FSCN2: variants seen among roughly 807,000 people sequenced by gnomAD.
FSCN2 encodes the protein fascin-2.
In FSCN2, 46 loss-of-function variants were observed where a neutral mutation model predicts 37.8. The ratio of observed to expected loss-of-function variants is 1.22; its 90% CI spans 0.96 to 1.56. FSCN2 has a LOEUF of 1.56. Among genes scored for constraint, FSCN2 ranks in the 40% most tolerant of loss-of-function variants. The probability of loss-of-function intolerance (pLI) is 0.00; values close to 1 mark genes in which losing one functional copy is unlikely to be tolerated. For missense variants in FSCN2, 844 were observed against 730.4 expected, an observed-to-expected ratio of 1.16 and a Z score of -1.79; for synonymous variants, 351 against 309.4, an observed-to-expected ratio of 1.13 and a Z score of -1.41.
upstream of FSCN2, among the ~76,000 whole-genome samples, chr17:81,524,944 C>T (rs1301063847): frequency 5.4e-5 from 8 of 147,536 alleles, no homozygotes; most frequent in Non-Finnish European, 7.5e-5. Context: ...ATGCACAACG[C>T]TGCACCCATG....
chr17:81,534,609 C>T (rs1013398163), intron 1 of FSCN2, among the ~76,000 whole-genome samples: 1 of 151,888 alleles, frequency 6.6e-6, no homozygotes, highest in Non-Finnish European at 1.5e-5. Flanking sequence ...GGGACCAGCC[C>T]CTGGCTGGAG....
At chr17:81,531,865 CGATGATGGTGATGATGGT>C (rs1230578882) in intron 1 of FSCN2, among the ~76,000 whole-genome samples, 8 of 20,538 alleles carry the variant, frequency 3.9e-4, no homozygotes, top group Admixed American at 1.3e-3. Context: ...GTGGTGATGG[CGATGATGGTGATGATGGT>C]GATGGCGATG....
At chr17:81,526,687 G>A (rs757574330), upstream of FSCN2, among the ~76,000 whole-genome samples, 7 of 152,242 alleles carry the variant, frequency 4.6e-5, no homozygotes, top group Non-Finnish European at 1.0e-4. Context: ...ACCCTAGCTT[G>A]TATCCCTAAA....
chr17:81,526,653 A>G (rs1321924094), upstream of FSCN2, among the ~76,000 whole-genome samples: 3 of 152,222 alleles, frequency 2.0e-5, no homozygotes, highest in African/African-American at 4.8e-5. Context: ...AGAAGAGCCA[A>G]TGGGAAAGTG....
intron 1 of FSCN2, among the ~76,000 whole-genome samples, chr17:81,532,808 T>C (rs2032743975): frequency 6.6e-6 from 1 of 151,510 alleles, no homozygotes; most frequent in African/African-American, 2.4e-5. Context: ...GGATGGGGAC[T>C]GTATGGACCA....
chr17:81,525,053 G>C (rs556421379), upstream of FSCN2, among the ~76,000 whole-genome samples: 237 of 152,252 alleles, frequency 1.6e-3, no homozygotes, highest in Middle Eastern at 0.02. Flanking sequence ...CCAGGAGTTC[G>C]GGGCTGCCAC....
chr17:81,532,116 ATGATGGTGATGATAG>A lies in FSCN2; in HGVS notation c.826+2773_826+2787del, dbSNP rs1452705898. Among the ~76,000 whole-genome samples, 328 of 109,922 alleles carry A rather than the reference ATGATGGTGATGATAG, an allele frequency of 3.0e-3. 3 individuals carry two copies. Among genetic ancestry groups the A allele is most frequent in the African/African-American group, 0.011 (299 of 28,050 alleles). The allele number at this position is 109,922 out of a possible 152,430, so 72.1% of individuals were successfully genotyped here. ...GATGATGGTGATGATAGTGATGGCG[ATGATGGTGATGATAG>A]TGATGGTGATGATGGTGATGGTGAT... On this transcript the variant is annotated intron_variant, in intron 1 of 4. Coordinates refer to ENST00000417245, the MANE Select transcript of FSCN2 (RefSeq NM_012418.4).
Position 81,536,943 on chromosome 17 carries a change from G to GACT in FSCN2, c.1343_1345dup (p.Asp448_Phe449insTyr). ...GTGCAGCGACGGCGAACGCGCCGAG[G>GACT]ACTTCGTCTTCGAGTTCCGTGAGCG... On this transcript the variant is annotated inframe_insertion, in exon 5 of 5. Transcript: ENST00000417245. The GACT allele has an allele frequency of 6.4e-7, 1 of 1,570,422 alleles. No individual in the cohort carries two copies. Among genetic ancestry groups the GACT allele is most frequent in the Non-Finnish European group, 8.6e-7 (1 of 1,165,720 alleles).
At chr17:81,516,383 C>G in the FSCN2 span, among the ~76,000 whole-genome samples, 1 of 152,326 alleles carries the variant, frequency 6.6e-6, no homozygotes, top group African/African-American at 2.4e-5. Context: ...TTAAAGTTCT[C>G]CCATAATAAA....
At chr17:81,524,930 A>ACACCACACT, upstream of FSCN2, among the ~76,000 whole-genome samples, 1 of 114,474 alleles carries the variant, frequency 8.7e-6, no homozygotes, top group South Asian at 3.0e-4. Flanking sequence ...CCACACTCAC[A>ACACCACACT]CACATGCACA....
chr17:81,535,948 C>A (rs1417075806), intron 2 of FSCN2, among the ~76,000 whole-genome samples, 198 bp from the exon 3 acceptor site: 3 of 151,282 alleles, frequency 2.0e-5, no homozygotes, highest in Admixed American at 6.6e-5. Flanking sequence ...ACCATCACTG[C>A]CTCGGCCATG....
At chr17:81,519,380 C>G in the FSCN2 span, among the ~76,000 whole-genome samples, 1 of 152,196 alleles carries the variant, frequency 6.6e-6, no homozygotes, top group African/African-American at 2.4e-5. Flanking sequence ...ACGCACTTCC[C>G]CCGCCGAGCA....
chr17:81,531,210 A>ATGG (rs1568076841), intron 1 of FSCN2, among the ~76,000 whole-genome samples: 2 of 111,424 alleles, frequency 1.8e-5, no homozygotes, highest in Admixed American at 8.7e-5. Context: ...GATGGTGGTG[A>ATGG]TGGTGGTGAT....
the FSCN2 span, among the ~76,000 whole-genome samples, chr17:81,515,844 A>G: frequency 6.6e-6 from 1 of 152,142 alleles, no homozygotes; most frequent in African/African-American, 2.4e-5. Flanking sequence ...CTTTTTCTTT[A>G]TATTTTATTT....
At chr17:81,525,035 G>A (rs1259604659), upstream of FSCN2, among the ~76,000 whole-genome samples, 1 of 152,142 alleles carries the variant, frequency 6.6e-6, no homozygotes. Flanking sequence ...TGGGAGGATC[G>A]CCGGAGCCCA....
chr17:81,522,841 C>G, the FSCN2 span, among the ~76,000 whole-genome samples: 2 of 152,322 alleles, frequency 1.3e-5, no homozygotes, highest in East Asian at 3.9e-4. Flanking sequence ...CCCCAAGCAG[C>G]CAGGGGCTCA....
chr17:81,530,549 C>A, intron 1 of FSCN2: 1 of 491,730 alleles, frequency 2.0e-6, no homozygotes, highest in African/African-American at 2.0e-5. Context: ...TGGGGAGAGC[C>A]GGGTGCATGG....
At chr17:81,531,702 ATGATGATAGTGATGGTGGTGATGG>A (rs2032621733) in intron 1 of FSCN2, among the ~76,000 whole-genome samples, 7 of 46,370 alleles carry the variant, frequency 1.5e-4, no homozygotes, top group Non-Finnish European at 2.3e-4. Flanking sequence ...GGTGATGGTG[ATGATGATAGTGATGGTGGTGATGG>A]TGATGGTGAT....
Position 81,528,817 on chromosome 17 carries a change from C to A in FSCN2, c.286C>A (p.Pro96Thr). ...CTGCCGCTTCCTGGTCCTGCCGCAG[C>A]CAGATGGGCGCTGGGTGCTGCGGTC... ...RDCRFLVLPQPDGRWVLRSEP... is the reference protein window; with the variant it reads ...RDCRFLVLPQTDGRWVLRSEP... Residue 96 changes from proline to threonine, a missense_variant, in exon 1 of 5, where the codon CCA (proline) becomes ACA (threonine). Physicochemically the swap from Pro to Thr is conservative, Grantham distance 38. Transcript: ENST00000417245. 6.4e-7 allele frequency: 1 copy of A among 1,560,136 alleles called. No individual in the cohort carries two copies. The highest frequency in any genetic ancestry group is 8.7e-7 in the Non-Finnish European group (1 of 1,154,396).
Sources: gnomAD v4.1 joint callset for allele counts (sites outside exome capture counted in the v4.1 genomes callset) on GRCh38, gnomAD v4.1.1 for gene constraint, MANE v1.5 for transcripts, NCBI Gene and HGNC (gene_info 2026-07-23, HGNC 2026-07-21) for gene names.